Variants in ADAMTS16 observed in about 807,000 individuals in gnomAD.
ADAMTS16 encodes the protein ADAM metallopeptidase with thrombospondin type 1 motif 16.
In ADAMTS16, 94 loss-of-function variants were observed where a neutral mutation model predicts 145.8. That is an observed-to-expected ratio of 0.64 (90% confidence interval 0.55 to 0.77). ADAMTS16 has a LOEUF of 0.77. ADAMTS16 is among the 30% of genes least tolerant of loss of function. The probability of loss-of-function intolerance (pLI) is 0.00; values close to 1 mark genes in which losing one functional copy is unlikely to be tolerated. For synonymous variants in ADAMTS16, 659 were observed against 604.3 expected (o/e 1.09, Z -1.33); for missense variants, 1,585 against 1,591.5 (o/e 1.00, Z 0.07).
At chr5:5,197,918 G>A (rs1735851226) in intron 8 of ADAMTS16, among the ~76,000 whole-genome samples, 2 of 152,028 alleles carry the variant, frequency 1.3e-5, no homozygotes, top group African/African-American at 4.8e-5. Flanking sequence ...CCTAACCCTC[G>A]ACCCACAAAA....
intron 11 of ADAMTS16, among the ~76,000 whole-genome samples, chr5:5,230,453 G>A (rs1301147692): frequency 2.0e-5 from 3 of 152,142 alleles, no homozygotes; most frequent in Non-Finnish European, 4.4e-5. Flanking sequence ...TTCTTAATTT[G>A]GAGAACCCTT....
intron 10 of ADAMTS16, among the ~76,000 whole-genome samples, chr5:5,217,183 C>T (rs1736461790): frequency 6.6e-6 from 1 of 151,772 alleles, no homozygotes. Context: ...TTCCTTACAC[C>T]TTATACAAAA....
intron 17 of ADAMTS16, among the ~76,000 whole-genome samples, chr5:5,248,020 A>G (rs1737504103): frequency 6.6e-6 from 1 of 152,250 alleles, no homozygotes; most frequent in Non-Finnish European, 1.5e-5. Flanking sequence ...TGTAATGCGC[A>G]TGCATGAGGC....
intron 17 of ADAMTS16, among the ~76,000 whole-genome samples, chr5:5,252,114 G>A (rs939763625): frequency 7.9e-5 from 12 of 152,210 alleles, no homozygotes; most frequent in Non-Finnish European, 1.6e-4. Context: ...CTCCCAAAGT[G>A]CTGGGATTGC....
chr5:5,148,727 T>A (rs775214056), intron 3 of ADAMTS16, among the ~76,000 whole-genome samples: 1 of 152,186 alleles, frequency 6.6e-6, no homozygotes, highest in East Asian at 1.9e-4. Flanking sequence ...AAATCTCATG[T>A]TCACAGTGAC....
At chr5:5,151,579 T>A (rs1439141458) in intron 3 of ADAMTS16, among the ~76,000 whole-genome samples, 1 of 150,724 alleles carries the variant, frequency 6.6e-6, no homozygotes, top group Non-Finnish European at 1.5e-5. Context: ...ATATTTAAGG[T>A]GAAAACATGA....
intron 12 of ADAMTS16, 86 bp downstream of exon 12, chr5:5,232,602 T>A (rs1375260926): frequency 1.5e-3 from 132 of 89,132 alleles, no homozygotes; most frequent in Non-Finnish European, 2.2e-3. Flanking sequence ...TCTCAGCTCT[T>A]TTTTTTTTTT....
chr5:5,227,058 A>T (rs1027906735), intron 11 of ADAMTS16, among the ~76,000 whole-genome samples: 1 of 152,238 alleles, frequency 6.6e-6, no homozygotes, highest in Non-Finnish European at 1.5e-5. Flanking sequence ...TAGTCCTTAC[A>T]TTGAACCCTC....
intron 3 of ADAMTS16, among the ~76,000 whole-genome samples, chr5:5,165,156 C>T (rs1308762067): frequency 1.3e-5 from 2 of 152,156 alleles, no homozygotes; most frequent in Non-Finnish European, 2.9e-5. Context: ...CTGCTTCCCA[C>T]CTCCAGTGCC....
intron 3 of ADAMTS16, among the ~76,000 whole-genome samples, chr5:5,165,050 C>T (rs1734836405): frequency 1.3e-5 from 2 of 152,122 alleles, no homozygotes; most frequent in South Asian, 4.1e-4. Flanking sequence ...CAACCTTCTT[C>T]ACAGTTCAGT....
intron 18 of ADAMTS16, among the ~76,000 whole-genome samples, chr5:5,268,531 A>G (rs1172452589): frequency 6.6e-6 from 1 of 152,188 alleles, no homozygotes; most frequent in South Asian, 2.1e-4. Context: ...ACTGTCCATC[A>G]AATGGTCTCC....
At chr5:5,250,667 A>G (rs1309252446) in intron 17 of ADAMTS16, among the ~76,000 whole-genome samples, 1 of 150,228 alleles carries the variant, frequency 6.7e-6, no homozygotes, top group Non-Finnish European at 1.5e-5. Context: ...TCTGCTAAGA[A>G]AGGTACTTGA....
chr5:5,267,656 G>A (rs1245989548), intron 18 of ADAMTS16, among the ~76,000 whole-genome samples: 3 of 152,098 alleles, frequency 2.0e-5, no homozygotes, highest in African/African-American at 7.2e-5. Flanking sequence ...TTCGCTCGAC[G>A]TCCAGCTGCT....
intron 22 of ADAMTS16, 117 bp downstream of exon 22, chr5:5,318,398 CTT>C: frequency 9.5e-7 from 1 of 1,057,174 alleles, no homozygotes; most frequent in African/African-American, 1.6e-5. Context: ...CCTTTTCTCT[CTT>C]TGCATCTTCT....
chr5:5,249,048 G>A (rs1279624031), intron 17 of ADAMTS16, among the ~76,000 whole-genome samples: 1 of 152,288 alleles, frequency 6.6e-6, no homozygotes, highest in East Asian at 1.9e-4. Context: ...TAACCAGAGA[G>A]GTGTCTTCCA....
intron 10 of ADAMTS16, among the ~76,000 whole-genome samples, chr5:5,216,618 T>A (rs1736448212): frequency 1.3e-5 from 2 of 151,562 alleles, no homozygotes; most frequent in East Asian, 3.9e-4. Flanking sequence ...TATTTTTTTT[T>A]ATTATACTTT....
intron 21 of ADAMTS16, among the ~76,000 whole-genome samples, chr5:5,311,351 C>T (rs1358207394): frequency 6.8e-6 from 1 of 147,702 alleles, no homozygotes; most frequent in Non-Finnish European, 1.5e-5. Flanking sequence ...ATTGTTTTAT[C>T]TAAATCTAAA....
intron 3 of ADAMTS16, among the ~76,000 whole-genome samples, chr5:5,171,247 T>C (rs1579286672): frequency 6.6e-6 from 1 of 152,342 alleles, no homozygotes; most frequent in Admixed American, 6.5e-5. Context: ...TCTTTCTAAT[T>C]TGAATGCCCT....
intron 12 of ADAMTS16, among the ~76,000 whole-genome samples, chr5:5,232,768 A>G (rs1286003132): frequency 6.6e-6 from 1 of 151,356 alleles, no homozygotes; most frequent in African/African-American, 2.4e-5. Context: ...ACGCCCTCCT[A>G]ATTTTTGTAT....
Sources: gnomAD v4.1 joint callset for allele counts (sites outside exome capture counted in the v4.1 genomes callset) on GRCh38, gnomAD v4.1.1 for gene constraint, MANE v1.5 for transcripts, NCBI Gene and HGNC (gene_info 2026-07-23, HGNC 2026-07-21) for gene names.